Variants in IRF3 observed in about 807,000 individuals in gnomAD.
IRF3 encodes interferon regulatory factor 3.
In IRF3, 29 loss-of-function variants were observed where a neutral mutation model predicts 43.2. That is an observed-to-expected ratio of 0.67 (90% CI 0.50 to 0.91). The LOEUF (loss-of-function observed/expected upper bound fraction) is 0.91, where lower values mean the gene tolerates loss of function less well. Ranked by LOEUF, IRF3 falls within the 40% of genes least tolerant of loss-of-function variation. The pLI, the probability that IRF3 is intolerant of heterozygous loss-of-function variation, is 0.00. For synonymous variants in IRF3, 228 were observed against 233.9 expected, an observed-to-expected ratio of 0.97 and a Z score of 0.23; for missense variants, 505 against 559.1, an observed-to-expected ratio of 0.90 and a Z score of 0.98.
intron 1 of IRF3, 50 bp downstream of exon 1, chr19:49,665,581 C>A: frequency 3.8e-6 from 2 of 523,026 alleles, no homozygotes; most frequent in South Asian, 4.9e-5. Flanking sequence ...CTCTTTCCCG[C>A]TCCTCGCTCT....
chr19:49,663,574 C>A, intron 2 of IRF3, 60 bp from the exon 3 acceptor site: 1 of 1,553,006 alleles, frequency 6.4e-7, no homozygotes, highest in South Asian at 1.1e-5. Flanking sequence ...GCTCCTGGGG[C>A]CCTAACCCTG....
At chr19:49,663,790 G>A (rs962294324) in intron 2 of IRF3, 3 of 408,986 alleles carry the variant, frequency 7.3e-6, no homozygotes, top group Non-Finnish European at 1.3e-5. Context: ...CCGCCTCCCC[G>A]GTTCAAGCGA....
intron 2 of IRF3, 97 bp downstream of exon 2, chr19:49,664,577 C>A: frequency 1.2e-6 from 2 of 1,607,956 alleles, no homozygotes; most frequent in African/African-American, 1.3e-5. Context: ...GCCCGCCCCT[C>A]GCGCGCCACC....
chr19:49,661,823 C>G (rs749475516), intron 6 of IRF3, 125 bp downstream of exon 6: 8 of 1,155,134 alleles, frequency 6.9e-6, no homozygotes, highest in Non-Finnish European at 9.8e-6. Flanking sequence ...TTGTCATCTG[C>G]CCACCTCAGC....
At chr19:49,664,487 G>C in intron 2 of IRF3, 187 bp downstream of exon 2, 1 of 1,549,932 alleles carries the variant, frequency 6.5e-7, no homozygotes, top group Non-Finnish European at 8.7e-7. Context: ...CTCCAACCCT[G>C]CTTGCGCCCC....
At chr19:49,660,952 G>C (rs980607264) in intron 6 of IRF3, 124 bp from the exon 7 acceptor site, 1 of 1,165,944 alleles carries the variant, frequency 8.6e-7, no homozygotes, top group African/African-American at 1.6e-5. Flanking sequence ...TCGACCAGGG[G>C]ACTGCTTGTT....
At chr19:49,661,155 T>C (rs996475800) in intron 6 of IRF3, among the ~76,000 whole-genome samples, 1 of 152,208 alleles carries the variant, frequency 6.6e-6, no homozygotes, top group Non-Finnish European at 1.5e-5. Context: ...CATTGTCCAA[T>C]TGCAGCCATT....
intron 7 of IRF3, among the ~76,000 whole-genome samples, 166 bp downstream of exon 7, chr19:49,660,547 G>T (rs1020066662): frequency 3.3e-5 from 5 of 152,134 alleles, no homozygotes; most frequent in African/African-American, 1.2e-4. Flanking sequence ...GGTTCTGCAG[G>T]TGAGGCCATG....
chr19:49,663,106 G>T, intron 4 of IRF3, 82 bp downstream of exon 4: 1 of 1,235,766 alleles, frequency 8.1e-7, no homozygotes, highest in Non-Finnish European at 1.2e-6. Context: ...CAGGGGAGTG[G>T]GGGGATCGTC....
chr19:49,662,045 C>T lies in IRF3; in HGVS notation c.885G>A (p.Val295=), dbSNP rs762507542. ...RLGHCHTYWA[V]SEELLPNSGH... Reference sequence around the variant, plus strand: ...CGCTGTTGGGGAGCAGCTCCTCGCTCACTGCCCAGTATGTGTGGCAGTGCC... The same window carrying T: ...CGCTGTTGGGGAGCAGCTCCTCGCTTACTGCCCAGTATGTGTGGCAGTGCC... The change falls in exon 6 of 8, where the codon GTG becomes GTA. Residue 295 remains valine, a synonymous_variant. Transcript: ENST00000377139. 44 of 1,614,000 alleles carry T rather than the reference C, an allele frequency of 2.7e-5. No homozygotes were observed. In the East Asian group the frequency reaches 9.6e-4, roughly 35 times the overall value.
intron 6 of IRF3, 50 bp from the exon 7 acceptor site, chr19:49,660,878 C>T: frequency 6.5e-7 from 1 of 1,549,296 alleles, no homozygotes; most frequent in East Asian, 2.4e-5. Flanking sequence ...CCTCTACCCA[C>T]CCTTCCCCGT....
intron 7 of IRF3, among the ~76,000 whole-genome samples, 190 bp downstream of exon 7, chr19:49,660,521 TAG>T (rs1462946724): frequency 6.6e-6 from 1 of 152,118 alleles, no homozygotes; most frequent in Non-Finnish European, 1.5e-5. Context: ...GCCACTGGTT[TAG>T]AGAGTTCAAA....
chr19:49,663,195 T>G lies in IRF3; in HGVS notation c.401A>C (p.Asp134Ala). The change falls in exon 4 of 8, where the codon GAT (aspartate) becomes GCT (alanine). Residue 134 changes from aspartate to alanine, a missense_variant. Asp to Ala is a moderately radical substitution (Grantham distance 126). Transcript: ENST00000377139. The stretch of plus-strand genomic sequence containing the variant: ...AGTTGGGCACATTCTCACCTGGGTA[T>G]CAGAAGTACTGCCTCCACCATTGGT... ...PDTNGGGSTS[D>A]TQEDILDELL... 3 of 1,613,850 alleles carry G rather than the reference T, an allele frequency of 1.9e-6. No individual in the cohort carries two copies. The highest frequency in any genetic ancestry group is 2.5e-6 in the Non-Finnish European group (3 of 1,179,816).
At chr19:49,664,042 TTTGTTTTTAAAG>T (rs2081499126) in intron 2 of IRF3, among the ~76,000 whole-genome samples, 2 of 152,174 alleles carry the variant, frequency 1.3e-5, no homozygotes, top group Non-Finnish European at 2.9e-5. Context: ...TTGTTTCGCT[TTTGTTTTTAAAG>T]AGATGGAGCC....
chr19:49,665,577 C>T, intron 1 of IRF3, 54 bp downstream of exon 1: 1 of 517,274 alleles, frequency 1.9e-6, no homozygotes, highest in South Asian at 2.4e-5. Flanking sequence ...CATCCTCTTT[C>T]CCGCTCCTCG....
chr19:49,661,230 T>C (rs2081313986), intron 6 of IRF3, among the ~76,000 whole-genome samples: 2 of 152,244 alleles, frequency 1.3e-5, no homozygotes. Flanking sequence ...CTGGTTGCAC[T>C]CGCCTCACCT....
At chr19:49,664,487 G>A in intron 2 of IRF3, 187 bp downstream of exon 2, 1 of 1,549,932 alleles carries the variant, frequency 6.5e-7, no homozygotes, top group South Asian at 1.2e-5. Context: ...CTCCAACCCT[G>A]CTTGCGCCCC....
intron 2 of IRF3, among the ~76,000 whole-genome samples, chr19:49,664,142 AGGTGTGAACCACCGCCCCC>A (rs1430278296): frequency 2.0e-5 from 3 of 152,192 alleles, no homozygotes; most frequent in Non-Finnish European, 2.9e-5. Context: ...CTAGGATTAC[AGGTGTGAACCACCGCCCCC>A]GGCCCAAAAA....
At position 49,661,954 on chromosome 19, in the gene IRF3, T is replaced by C; in HGVS notation, c.976A>G (p.Ile326Val). 6.2e-7 allele frequency: 1 copy of C among 1,606,148 alleles called. No individual in the cohort carries two copies. Among genetic ancestry groups the C allele is most frequent in the Non-Finnish European group, 8.5e-7 (1 of 1,174,748 alleles). ...EGGVFDLGPF[I>V]VDLITFTEGS... ...AAGCCCCTGTCTCACTCACCTACAA[T>C]GAAGGGCCCCAGGTCAAACACGCCT... The change falls in exon 6 of 8, where the codon ATT becomes GTT. Residue 326 changes from isoleucine to valine, a missense_variant. By Grantham distance (29) the Ile-to-Val change is conservative (BLOSUM62 3). Transcript: ENST00000377139.
Sources: gnomAD v4.1 joint callset for allele counts (sites outside exome capture counted in the v4.1 genomes callset) on GRCh38, gnomAD v4.1.1 for gene constraint, MANE v1.5 for transcripts, NCBI Gene and HGNC (gene_info 2026-07-23, HGNC 2026-07-21) for gene names.